OXR1: variants seen among roughly 807,000 people sequenced by gnomAD.
OXR1 encodes oxidation resistance protein 1.
Under a neutral mutation model 104.6 loss-of-function variants are expected in OXR1, and 41 were observed. That is an observed-to-expected ratio of 0.39 (90% CI 0.31 to 0.51). OXR1 has a LOEUF of 0.51. OXR1 is among the 20% of genes least tolerant of loss of function. The probability of loss-of-function intolerance (pLI) is 0.77; values close to 1 mark genes in which losing one functional copy is unlikely to be tolerated. For missense variants in OXR1, 955 were observed against 1,031.9 expected, an observed-to-expected ratio of 0.93 and a Z score of 1.02; for synonymous variants, 348 against 348.4, an observed-to-expected ratio of 1.00 and a Z score of 0.01.
chr8:106,369,339 C>A (rs1201567289), intron 2 of OXR1, among the ~76,000 whole-genome samples: 1 of 152,118 alleles, frequency 6.6e-6, no homozygotes, highest in East Asian at 1.9e-4. Context: ...TTCTCCCATA[C>A]TGTGGGTTAC....
At chr8:106,684,192 C>G in intron 5 of OXR1, 54 bp from the exon 6 acceptor site, 2 of 853,884 alleles carry the variant, frequency 2.3e-6, no homozygotes, top group South Asian at 3.0e-5. Flanking sequence ...AGAACACCAT[C>G]TAATTATTAA....
At chr8:106,742,193 G>A (rs1416075814) in intron 14 of OXR1, 29 bp from the exon 15 acceptor site, 1 of 1,208,512 alleles carries the variant, frequency 8.3e-7, no homozygotes, top group Non-Finnish European at 1.2e-6. Flanking sequence ...TGTTAGTCGT[G>A]TCATTGAATA....
At position 106,737,611 on chromosome 8, in the gene OXR1, C is replaced by T; in HGVS notation, c.2037+11C>T. The T allele has an allele frequency of 7.6e-7, 1 of 1,317,862 alleles. No homozygotes were observed. Among genetic ancestry groups the T allele is most frequent in the East Asian group, 2.6e-5 (1 of 37,740 alleles). The allele number at this position is 1,317,862 out of a possible 1,614,324, so 81.6% of individuals were successfully genotyped here. ...TGCAGACGCCTCCAGGTGCCCCCTT[C>T]AGTAGTTTAAACCCCTCCAGAGACT... On this transcript the variant is annotated intron_variant, in intron 12 of 16. Transcript: ENST00000517566.
intron 2 of OXR1, among the ~76,000 whole-genome samples, 195 bp from the exon 3 acceptor site, chr8:106,518,748 A>G (rs1273442537): frequency 1.3e-5 from 2 of 152,192 alleles, no homozygotes; most frequent in Non-Finnish European, 2.9e-5. Flanking sequence ...TAGGCAGAAG[A>G]TATTTTTCCT....
intron 3 of OXR1, 47 bp from the exon 4 acceptor site, chr8:106,679,163 T>C: frequency 8.6e-7 from 1 of 1,168,284 alleles, no homozygotes; most frequent in Non-Finnish European, 1.3e-6. Flanking sequence ...TTGACATTAC[T>C]CTGAAAGAAA....
chr8:106,413,600 T>A (rs73307128), intron 2 of OXR1, among the ~76,000 whole-genome samples: 3,717 of 152,258 alleles, frequency 0.024, 147 homozygotes, highest in African/African-American at 0.083. Flanking sequence ...CCCCATACTA[T>A]CTAGAAAATA....
intron 3 of OXR1, among the ~76,000 whole-genome samples, chr8:106,629,266 T>TA (rs1822463432): frequency 6.6e-6 from 1 of 152,130 alleles, no homozygotes; most frequent in African/African-American, 2.4e-5. Context: ...TGGTCCTTTT[T>TA]AACAATATTT....
chr8:106,295,050 G>T (rs1027290796), intron 1 of OXR1, among the ~76,000 whole-genome samples: 2 of 152,118 alleles, frequency 1.3e-5, no homozygotes, highest in African/African-American at 2.4e-5. Flanking sequence ...TACCTAATAG[G>T]ATGTATAGAA....
intron 2 of OXR1, among the ~76,000 whole-genome samples, chr8:106,407,843 T>G (rs958499223): frequency 6.6e-6 from 1 of 152,198 alleles, no homozygotes; most frequent in Non-Finnish European, 1.5e-5. Context: ...TTCTGTACAA[T>G]TCTTGCTCAC....
At chr8:106,747,226 A>G (rs1401893433) in intron 16 of OXR1, among the ~76,000 whole-genome samples, 1 of 152,208 alleles carries the variant, frequency 6.6e-6, no homozygotes, top group African/African-American at 2.4e-5. Context: ...AAACTCCTTA[A>G]CAAATCTAAA....
intron 11 of OXR1, among the ~76,000 whole-genome samples, chr8:106,716,973 G>A (rs1040702646): frequency 1.3e-5 from 2 of 152,094 alleles, no homozygotes; most frequent in African/African-American, 4.8e-5. Context: ...GGATCACGAG[G>A]TCAGGAGTTT....
At chr8:106,325,768 A>G (rs1814445133) in intron 1 of OXR1, among the ~76,000 whole-genome samples, 1 of 152,250 alleles carries the variant, frequency 6.6e-6, no homozygotes, top group South Asian at 2.1e-4. Flanking sequence ...AATATATTTT[A>G]CATTTACATT....
rs188171808 is a variant in OXR1 at position 106,402,860 on chromosome 8, G to A, written c.23+43224G>A. ...TTTTGAGACAGAATCTCGCTCTGTC[G>A]CCCAGACTGGAGTGCAGTGGCACAA... On this transcript the variant is annotated intron_variant, in intron 2 of 16. Transcript: ENST00000517566. 3.2e-3 allele frequency among the ~76,000 whole-genome samples: 485 copies of A among 151,636 alleles called. 3 individuals are homozygous for A. The highest frequency in any genetic ancestry group is 4.4e-3 in the Non-Finnish European group (296 of 67,920).
intron 2 of OXR1, among the ~76,000 whole-genome samples, chr8:106,363,920 A>C (rs998121820): frequency 6.6e-6 from 1 of 151,986 alleles, no homozygotes; most frequent in Non-Finnish European, 1.5e-5. Context: ...TGCGAAAGAG[A>C]CTTGTTAATT....
At chr8:106,552,242 G>T (rs2130422283) in intron 3 of OXR1, among the ~76,000 whole-genome samples, 1 of 152,016 alleles carries the variant, frequency 6.6e-6, no homozygotes, top group South Asian at 2.1e-4. Flanking sequence ...CTTTCTGCTT[G>T]CCTGTAGATC....
intron 2 of OXR1, among the ~76,000 whole-genome samples, chr8:106,367,637 T>C (rs1816531048): frequency 6.6e-6 from 1 of 152,158 alleles, no homozygotes; most frequent in Non-Finnish European, 1.5e-5. Context: ...TCTGCTCTCA[T>C]GAAGCTTAGA....
At chr8:106,553,360 C>A in intron 3 of OXR1, among the ~76,000 whole-genome samples, 1 of 149,656 alleles carries the variant, frequency 6.7e-6, no homozygotes. Context: ...GTTCTGTCAT[C>A]CAGGCTGGAA....
intron 1 of OXR1, among the ~76,000 whole-genome samples, chr8:106,313,392 A>G (rs898425121): frequency 1.2e-4 from 19 of 152,178 alleles, no homozygotes; most frequent in African/African-American, 4.6e-4. Flanking sequence ...AGGGTACAGC[A>G]TATTCTGTCC....
intron 2 of OXR1, among the ~76,000 whole-genome samples, chr8:106,486,198 TA>T (rs1810640167): frequency 6.6e-6 from 1 of 152,282 alleles, no homozygotes; most frequent in Non-Finnish European, 1.5e-5. Context: ...ATAGTTGTTT[TA>T]AAACATCATG....
Sources: gnomAD v4.1 joint callset for allele counts (sites outside exome capture counted in the v4.1 genomes callset) on GRCh38, gnomAD v4.1.1 for gene constraint, MANE v1.5 for transcripts, NCBI Gene and HGNC (gene_info 2026-07-23, HGNC 2026-07-21) for gene names.